SDC2: variants seen among roughly 807,000 people sequenced by gnomAD.
SDC2 encodes the protein syndecan 2.
SDC2 carries 13 observed loss-of-function variants against 22.2 expected under a neutral mutation model. The ratio of observed to expected loss-of-function variants is 0.59; its 90% CI spans 0.38 to 0.93. SDC2 has a LOEUF of 0.93. Ranked by LOEUF, SDC2 falls within the 40% of genes least tolerant of loss-of-function variation. SDC2 has a pLI of 0.00. For missense variants in SDC2, 235 were observed against 246.8 expected (o/e 0.95, Z 0.32); for synonymous variants, 94 against 92.8 (o/e 1.01, Z -0.07).
chr8:96,565,298 G>A (rs1292846650), intron 1 of SDC2, among the ~76,000 whole-genome samples: 2 of 151,116 alleles, frequency 1.3e-5, no homozygotes, highest in Non-Finnish European at 3.0e-5. Context: ...TGTTGGCCGG[G>A]ATGGTCTCGA....
intron 1 of SDC2, among the ~76,000 whole-genome samples, chr8:96,517,770 CATGT>C (rs1198342542): frequency 1.6e-4 from 12 of 73,318 alleles, no homozygotes; most frequent in African/African-American, 7.2e-4. Flanking sequence ...TGTGTGTGTG[CATGT>C]GTGTGTGTGT....
At chr8:96,544,006 G>A (rs1813892699) in intron 1 of SDC2, among the ~76,000 whole-genome samples, 1 of 152,166 alleles carries the variant, frequency 6.6e-6, no homozygotes, top group African/African-American at 2.4e-5. Context: ...TGCTAGAGCT[G>A]TCAGAATGAA....
At chr8:96,589,071 A>T (rs1814733033) in intron 1 of SDC2, among the ~76,000 whole-genome samples, 1 of 152,244 alleles carries the variant, frequency 6.6e-6, no homozygotes, top group South Asian at 2.1e-4. Flanking sequence ...TTGTGTATTG[A>T]ATTAACACTT....
At chr8:96,551,654 A>G (rs1269364540) in intron 1 of SDC2, among the ~76,000 whole-genome samples, 1 of 152,134 alleles carries the variant, frequency 6.6e-6, no homozygotes, top group Non-Finnish European at 1.5e-5. Context: ...AGGGTGGTTA[A>G]TTTTGGAGCT....
chr8:96,543,076 GA>G (rs936802271), intron 1 of SDC2, among the ~76,000 whole-genome samples: 6 of 152,072 alleles, frequency 3.9e-5, no homozygotes, highest in Non-Finnish European at 7.4e-5. Flanking sequence ...TTTTTGGATG[GA>G]AAAAATTATT....
intron 2 of SDC2, 105 bp from the exon 3 acceptor site, chr8:96,602,290 A>G: frequency 8.3e-7 from 1 of 1,198,734 alleles, no homozygotes. Flanking sequence ...CAGCATTTTG[A>G]AAGAACATGA....
At chr8:96,600,359 G>A (rs1814957549) in intron 2 of SDC2, among the ~76,000 whole-genome samples, 1 of 152,184 alleles carries the variant, frequency 6.6e-6, no homozygotes, top group Non-Finnish European at 1.5e-5. Context: ...TTACAAATTT[G>A]ACAAATGATC....
At chr8:96,535,733 C>G (rs1290463054) in intron 1 of SDC2, among the ~76,000 whole-genome samples, 1 of 152,210 alleles carries the variant, frequency 6.6e-6, no homozygotes, top group East Asian at 1.9e-4. Context: ...TATCCACATG[C>G]TATTCCACCT....
In SDC2 at chr8:96,526,073, G is replaced by C. The variant is rs553128717; in HGVS notation, c.60+31742G>C. Among the ~76,000 whole-genome samples the C allele has an allele frequency of 4.7e-5, 7 of 149,736 alleles. No individual in the cohort carries two copies. The East Asian group carries it at 1.4e-3, about 29-fold the overall frequency. ...CCGTCAAATGGTAGAGTTAGTCATG[G>C]CTTTTGGATGTGCGGGCCAGGCATG... On this transcript the variant is annotated intron_variant, in intron 1 of 4. Coordinates refer to ENST00000302190, the MANE Select transcript of SDC2 (RefSeq NM_002998.4).
intron 1 of SDC2, among the ~76,000 whole-genome samples, chr8:96,516,401 G>A (rs1332091715): frequency 1.3e-5 from 2 of 152,054 alleles, no homozygotes; most frequent in Non-Finnish European, 2.9e-5. Flanking sequence ...TGTACATATA[G>A]GTACATAACA....
intron 1 of SDC2, among the ~76,000 whole-genome samples, chr8:96,547,791 T>C (rs561579321): frequency 9.2e-5 from 14 of 152,212 alleles, no homozygotes; most frequent in African/African-American, 3.4e-4. Flanking sequence ...GACAGGGTCT[T>C]GCTCTGTTGC....
intron 1 of SDC2, among the ~76,000 whole-genome samples, chr8:96,499,203 C>T (rs1267939437): frequency 2.0e-5 from 3 of 152,214 alleles, no homozygotes; most frequent in Non-Finnish European, 4.4e-5. Context: ...TAAATGCAAG[C>T]TCCAAATACC....
intron 1 of SDC2, among the ~76,000 whole-genome samples, chr8:96,589,111 A>G (rs1166241951): frequency 6.6e-6 from 1 of 152,346 alleles, no homozygotes; most frequent in East Asian, 1.9e-4. Flanking sequence ...CAACTACCGT[A>G]TAAGTTTGGG....
At chr8:96,516,674 TC>T (rs1813407290) in intron 1 of SDC2, among the ~76,000 whole-genome samples, 1 of 152,360 alleles carries the variant, frequency 6.6e-6, no homozygotes, top group African/African-American at 2.4e-5. Context: ...GTAAGTGGAA[TC>T]ATGTAATATA....
intron 1 of SDC2, among the ~76,000 whole-genome samples, chr8:96,585,277 T>G (rs1814662751): frequency 6.6e-6 from 1 of 152,336 alleles, no homozygotes; most frequent in African/African-American, 2.4e-5. Flanking sequence ...TAGTTGTCTC[T>G]GTAATTATTT....
intron 1 of SDC2, among the ~76,000 whole-genome samples, chr8:96,500,489 C>A (rs1221558025): frequency 6.6e-6 from 1 of 151,884 alleles, no homozygotes. Flanking sequence ...TGGTGAAACC[C>A]CGTCTCTACT....
chr8:96,572,901 C>T (rs1005656116), intron 1 of SDC2, among the ~76,000 whole-genome samples: 1 of 152,084 alleles, frequency 6.6e-6, no homozygotes, highest in Admixed American at 6.5e-5. Flanking sequence ...TTTTTCAGTC[C>T]TAATCAGCTT....
In SDC2 at chr8:96,541,264, A is replaced by T. The variant is rs192069457; in HGVS notation, c.60+46933A>T. ...GCCAACATGGTGAAACCCCATCTCT[A>T]CCTAAATATGAAAATTAGCTGGGTG... On this transcript the variant is annotated intron_variant, in intron 1 of 4. Transcript: ENST00000302190. Among the ~76,000 whole-genome samples the T allele has an allele frequency of 5.6e-4, 85 of 152,052 alleles. 1 individual carries two copies. The highest frequency in any genetic ancestry group is 3.4e-3 in the Middle Eastern group (1 of 294).
At chr8:96,561,721 G>A (rs1814213594) in intron 1 of SDC2, among the ~76,000 whole-genome samples, 1 of 152,142 alleles carries the variant, frequency 6.6e-6, no homozygotes, top group South Asian at 2.1e-4. Context: ...GTATTATTGT[G>A]GAAGAATTTG....
Sources: allele counts gnomAD v4.1 joint callset (sites outside exome capture counted in the v4.1 genomes callset), GRCh38; gene constraint gnomAD v4.1.1; transcripts MANE v1.5; gene names NCBI Gene and HGNC (gene_info 2026-07-23, HGNC 2026-07-21).